YPEL2: variants seen among roughly 807,000 people sequenced by gnomAD.
YPEL2 encodes protein yippee-like 2.
A neutral mutation model predicts 19.1 loss-of-function variants in YPEL2; 2 were observed. That is an observed-to-expected ratio of 0.10 (90% CI 0.04 to 0.33). The LOEUF (loss-of-function observed/expected upper bound fraction) is 0.33, where lower values mean the gene tolerates loss of function less well. Ranked by LOEUF, YPEL2 falls within the 10% of genes least tolerant of loss-of-function variation. YPEL2 has a pLI of 1.00. For missense variants in YPEL2, 66 were observed against 140.7 expected (o/e 0.47, Z 2.68); for synonymous variants, 52 against 50.0 (o/e 1.04, Z -0.17).
chr17:59,354,969 C>CCT (rs2047805244), intron 2 of YPEL2: 1 of 146,088 alleles, frequency 6.8e-6, no homozygotes, highest in Non-Finnish European at 1.5e-5. Context: ...GTGAGTTGTC[C>CCT]TTTTTTTTTT....
At chr17:59,347,783 T>C (rs2047764083) in intron 1 of YPEL2, among the ~76,000 whole-genome samples, 1 of 151,972 alleles carries the variant, frequency 6.6e-6, no homozygotes, top group Non-Finnish European at 1.5e-5. Context: ...AGTTAAAGGA[T>C]CCTAATGGAA....
At chr17:59,394,977 C>G (rs1455272251) in intron 4 of YPEL2, among the ~76,000 whole-genome samples, 3 of 152,206 alleles carry the variant, frequency 2.0e-5, no homozygotes, top group Non-Finnish European at 2.9e-5. Context: ...CAATCGCAGG[C>G]ACTCAGCAGG....
Position 59,335,738 on chromosome 17 carries a change from G to A in YPEL2, c.-196+3914G>A, listed in dbSNP as rs550780634. Among the ~76,000 whole-genome samples, 6 of 152,062 alleles carry A rather than the reference G, an allele frequency of 3.9e-5. No individual in the cohort carries two copies. The East Asian group carries it at 1.2e-3, about 29-fold the overall frequency. On this transcript the variant is annotated intron_variant, in intron 1 of 4. Transcript: ENST00000312655. ...TAATTTTTGCATTTTTAGTGGAGAC[G>A]GGGTTTCACCATATTGTCCAGGCTG...
chr17:59,360,312 C>G (rs2047834489), intron 2 of YPEL2, among the ~76,000 whole-genome samples: 1 of 152,190 alleles, frequency 6.6e-6, no homozygotes, highest in East Asian at 1.9e-4. Context: ...CCCCTGACTT[C>G]AAGTTATCTG....
At chr17:59,338,716 T>C (rs2047712209) in intron 1 of YPEL2, among the ~76,000 whole-genome samples, 1 of 152,116 alleles carries the variant, frequency 6.6e-6, no homozygotes, top group South Asian at 2.1e-4. Context: ...GTGACTTCCT[T>C]CACAGTAAGG....
intron 2 of YPEL2, among the ~76,000 whole-genome samples, chr17:59,370,020 A>G (rs544693485): frequency 1.3e-5 from 2 of 152,346 alleles, no homozygotes; most frequent in African/African-American, 4.8e-5. Flanking sequence ...TGAGTTGACC[A>G]AGGAGACCCA....
At chr17:59,381,208 GA>G (rs1164393954) in intron 2 of YPEL2, among the ~76,000 whole-genome samples, 2 of 152,216 alleles carry the variant, frequency 1.3e-5, no homozygotes, top group Non-Finnish European at 2.9e-5. Flanking sequence ...ACTTGAACCT[GA>G]ATCTTCTGAT....
intron 2 of YPEL2, among the ~76,000 whole-genome samples, chr17:59,360,710 T>C (rs113411206): frequency 7.0e-6 from 1 of 142,710 alleles, no homozygotes; most frequent in African/African-American, 2.7e-5. Context: ...TTACAGTGTT[T>C]CTTGGTGAAA....
chr17:59,356,702 GTTTA>G (rs777663901), intron 2 of YPEL2, among the ~76,000 whole-genome samples: 4 of 152,200 alleles, frequency 2.6e-5, no homozygotes, highest in Non-Finnish European at 5.9e-5. Context: ...AACCACAGAA[GTTTA>G]TTTCTCACAG....
chr17:59,381,722 GT>G (rs1338548990), intron 2 of YPEL2, among the ~76,000 whole-genome samples: 3 of 152,150 alleles, frequency 2.0e-5, no homozygotes, highest in Non-Finnish European at 4.4e-5. Flanking sequence ...CAGAAGAAAA[GT>G]TTTGTGTGGC....
intron 2 of YPEL2, chr17:59,355,502 A>T (rs1244899894): frequency 1.3e-5 from 2 of 152,216 alleles, no homozygotes; most frequent in African/African-American, 4.8e-5. Flanking sequence ...ACTTGGAACC[A>T]AGCCACATCG....
chr17:59,397,005 TG>T, intron 4 of YPEL2, 95 bp from the exon 5 acceptor site: 3 of 848,586 alleles, frequency 3.5e-6, no homozygotes, highest in Non-Finnish European at 5.3e-6. Flanking sequence ...CACTCCAGCC[TG>T]GGTGACAGAG....
chr17:59,379,932 CTTACTG>C (rs929908851), intron 2 of YPEL2, among the ~76,000 whole-genome samples: 1 of 151,548 alleles, frequency 6.6e-6, no homozygotes, highest in Non-Finnish European at 1.5e-5. Flanking sequence ...GTGACCTCGG[CTTACTG>C]TAACCTCTAC....
At chr17:59,357,786 G>A (rs1884841825) in intron 2 of YPEL2, among the ~76,000 whole-genome samples, 1 of 152,012 alleles carries the variant, frequency 6.6e-6, no homozygotes, top group South Asian at 2.1e-4. Flanking sequence ...ATGGCATTGT[G>A]GAGTAGGCCA....
At chr17:59,340,329 G>A (rs576641677) in intron 1 of YPEL2, among the ~76,000 whole-genome samples, 2 of 152,054 alleles carry the variant, frequency 1.3e-5, no homozygotes, top group African/African-American at 2.4e-5. Context: ...GGCTGGTCTC[G>A]AACTCCTGAC....
intron 2 of YPEL2, among the ~76,000 whole-genome samples, chr17:59,360,554 T>G (rs1411596044): frequency 1.3e-5 from 2 of 152,210 alleles, no homozygotes. Context: ...TTTCTTCAAC[T>G]ATGTGACCTT....
At chr17:59,383,661 G>A (rs1197056015) in intron 2 of YPEL2, among the ~76,000 whole-genome samples, 3 of 101,142 alleles carry the variant, frequency 3.0e-5, no homozygotes, top group Admixed American at 1.4e-4. Context: ...TGGTCTAATA[G>A]TGATTATAAG....
intron 1 of YPEL2, among the ~76,000 whole-genome samples, chr17:59,351,342 T>C (rs1232344208): frequency 6.6e-6 from 1 of 151,960 alleles, no homozygotes; most frequent in Non-Finnish European, 1.5e-5. Flanking sequence ...GCCACTGTAC[T>C]CCAGCCTGGA....
intron 1 of YPEL2, among the ~76,000 whole-genome samples, chr17:59,337,772 CTG>C (rs1177309047): frequency 6.6e-6 from 1 of 152,090 alleles, no homozygotes; most frequent in African/African-American, 2.4e-5. Context: ...GCATTAAAGT[CTG>C]TTTAGGTGTT....
Sources: gnomAD v4.1 joint callset for allele counts (sites outside exome capture counted in the v4.1 genomes callset) on GRCh38, gnomAD v4.1.1 for gene constraint, MANE v1.5 for transcripts, NCBI Gene and HGNC (gene_info 2026-07-23, HGNC 2026-07-21) for gene names.